WDR7: variants seen among roughly 807,000 people sequenced by gnomAD.
WDR7 encodes the protein WD repeat domain 7, also known as WD repeat-containing protein 7.
WDR7 carries 46 observed loss-of-function variants against 169.4 expected under a neutral mutation model. The observed-to-expected ratio is 0.27, with a 90% CI of 0.21 to 0.35. The LOEUF (loss-of-function observed/expected upper bound fraction) is 0.35. Among genes scored for constraint, WDR7 ranks in the 10% least tolerant of loss-of-function variants. WDR7 has a pLI of 1.00. For missense variants in WDR7, 1,534 were observed against 1,859.3 expected (o/e 0.83, Z 3.22); for synonymous variants, 612 against 666.8 (o/e 0.92, Z 1.27).
intron 14 of WDR7, among the ~76,000 whole-genome samples, chr18:56,754,273 G>GTGTGTGTATA (rs1555686094): frequency 1.6e-4 from 24 of 146,984 alleles, no homozygotes; most frequent in African/African-American, 5.1e-4. Context: ...GTGTGTGTGT[G>GTGTGTGTATA]TGTGTGTGTG....
At chr18:56,937,205 A>G (rs2046972388) in intron 23 of WDR7, among the ~76,000 whole-genome samples, 1 of 152,164 alleles carries the variant, frequency 6.6e-6, no homozygotes, top group African/African-American at 2.4e-5. Context: ...ATAATTTTAA[A>G]GTAACAGTCC....
chr18:56,656,851 A>G (rs1038540353), intron 1 of WDR7, among the ~76,000 whole-genome samples: 2 of 152,142 alleles, frequency 1.3e-5, no homozygotes, highest in Admixed American at 1.3e-4. Flanking sequence ...ATATTAGGAC[A>G]TTTTATCTGA....
chr18:56,684,558 T>C lies in WDR7; in HGVS notation c.521-1398T>C, dbSNP rs560108780. On this transcript the variant is annotated intron_variant, in intron 5 of 27. Transcript: ENST00000254442. ...GGCTCTCACTGTAGATGATGGGCAG[T>C]CTCTGAAGGGACTTATGCTTTAAAC... 2.6e-5 allele frequency among the ~76,000 whole-genome samples: 4 copies of C among 152,278 alleles called. No homozygotes were observed. The East Asian group carries it at 5.8e-4, about 22-fold the overall frequency.
chr18:56,923,900 G>T, intron 21 of WDR7, 22 bp from the exon 22 acceptor site: 2 of 1,511,566 alleles, frequency 1.3e-6, no homozygotes, highest in South Asian at 1.4e-5. Context: ...CTTTTGCTCT[G>T]CATTTTATTC....
chr18:56,887,782 A>T (rs1005133884), intron 21 of WDR7, among the ~76,000 whole-genome samples: 1 of 152,070 alleles, frequency 6.6e-6, no homozygotes, highest in Non-Finnish European at 1.5e-5. Flanking sequence ...TAAATTTATC[A>T]GTTTAAATCT....
At chr18:56,820,233 A>G (rs1599072193) in intron 20 of WDR7, among the ~76,000 whole-genome samples, 1 of 146,264 alleles carries the variant, frequency 6.8e-6, no homozygotes. Context: ...GAAAGTTCCT[A>G]TATTCTTCTG....
chr18:56,803,302 T>C (rs1044050955), intron 19 of WDR7, among the ~76,000 whole-genome samples: 2 of 152,214 alleles, frequency 1.3e-5, no homozygotes, highest in Non-Finnish European at 2.9e-5. Context: ...TAGCACAATA[T>C]TAAAACCAGA....
intron 19 of WDR7, among the ~76,000 whole-genome samples, chr18:56,784,441 C>G (rs1327831002): frequency 1.3e-5 from 2 of 152,148 alleles, no homozygotes; most frequent in African/African-American, 4.8e-5. Context: ...CCACCCTTCC[C>G]CTTCTGAGTC....
At chr18:56,895,490 T>A (rs1031741250) in intron 21 of WDR7, among the ~76,000 whole-genome samples, 12 of 15,438 alleles carry the variant, frequency 7.8e-4, no homozygotes, top group Admixed American at 5.4e-3. Context: ...TTTTAAAAAT[T>A]TTTTTTACAG....
intron 13 of WDR7, among the ~76,000 whole-genome samples, chr18:56,719,752 C>T (rs1309096190): frequency 6.6e-6 from 1 of 152,098 alleles, no homozygotes; most frequent in Admixed American, 6.5e-5. Flanking sequence ...TTTGAACTAG[C>T]TAGGATGGAC....
intron 2 of WDR7, among the ~76,000 whole-genome samples, chr18:56,674,726 T>C (rs1357363077): frequency 1.3e-5 from 2 of 152,228 alleles, no homozygotes; most frequent in Non-Finnish European, 2.9e-5. Flanking sequence ...TGTTGTCATA[T>C]CTAAGAAACC....
At chr18:56,661,346 A>T (rs1383962329) in intron 1 of WDR7, among the ~76,000 whole-genome samples, 1 of 152,176 alleles carries the variant, frequency 6.6e-6, no homozygotes, top group Non-Finnish European at 1.5e-5. Context: ...TTGGTGATGG[A>T]TACAGCATAA....
At chr18:57,003,020 T>C (rs1357320189) in intron 26 of WDR7, among the ~76,000 whole-genome samples, 1 of 152,210 alleles carries the variant, frequency 6.6e-6, no homozygotes, top group Middle Eastern at 3.2e-3. Flanking sequence ...ATTAATTTTA[T>C]ACAACATTTA....
chr18:56,770,140 G>A (rs1809044688), intron 16 of WDR7, among the ~76,000 whole-genome samples: 1 of 152,180 alleles, frequency 6.6e-6, no homozygotes, highest in South Asian at 2.1e-4. Context: ...TGCTGAGGCT[G>A]TAAGGGCTGA....
At chr18:56,954,735 A>G (rs914510908) in intron 25 of WDR7, among the ~76,000 whole-genome samples, 4 of 152,198 alleles carry the variant, frequency 2.6e-5, no homozygotes, top group Non-Finnish European at 4.4e-5. Context: ...AGAATAATGC[A>G]AATGAAAGAA....
intron 20 of WDR7, among the ~76,000 whole-genome samples, chr18:56,821,976 G>T (rs940869554): frequency 6.6e-6 from 1 of 152,114 alleles, no homozygotes; most frequent in African/African-American, 2.4e-5. Flanking sequence ...TCCAGACTGG[G>T]TGACAGAACA....
intron 27 of WDR7, among the ~76,000 whole-genome samples, chr18:57,025,908 G>A (rs2048360733): frequency 6.6e-6 from 1 of 152,160 alleles, no homozygotes; most frequent in Non-Finnish European, 1.5e-5. Flanking sequence ...GTAGATGTTG[G>A]ATCATAATCT....
At chr18:56,735,095 T>G (rs1377969322) in intron 14 of WDR7, among the ~76,000 whole-genome samples, 1 of 152,178 alleles carries the variant, frequency 6.6e-6, no homozygotes, top group Non-Finnish European at 1.5e-5. Flanking sequence ...AACATTTTAA[T>G]GTAAGACACT....
At chr18:56,710,002 A>ATT (rs1568150994) in intron 12 of WDR7, among the ~76,000 whole-genome samples, 2 of 113,282 alleles carry the variant, frequency 1.8e-5, no homozygotes, top group Admixed American at 8.4e-5. Flanking sequence ...ATATATATAT[A>ATT]GTTGTTTTTT....
Sources: gnomAD v4.1 joint callset for allele counts (sites outside exome capture counted in the v4.1 genomes callset) on GRCh38, gnomAD v4.1.1 for gene constraint, MANE v1.5 for transcripts, NCBI Gene and HGNC (gene_info 2026-07-23, HGNC 2026-07-21) for gene names.